Variants in FBXL2 observed in about 807,000 individuals in gnomAD.
FBXL2 encodes F-box and leucine rich repeat protein 2.
FBXL2 carries 38 observed loss-of-function variants against 69.2 expected under a neutral mutation model. That is an observed-to-expected ratio of 0.55 (90% CI 0.42 to 0.72). The LOEUF is 0.72. Ranked by LOEUF, FBXL2 falls within the 30% of genes least tolerant of loss-of-function variation. The pLI, the probability that FBXL2 is intolerant of heterozygous loss-of-function variation, is 0.00. For synonymous variants in FBXL2, 192 were observed against 201.3 expected, an observed-to-expected ratio of 0.95 and a Z score of 0.39; for missense variants, 354 against 520.3, an observed-to-expected ratio of 0.68 and a Z score of 3.11.
At chr3:33,398,224 C>T (rs1448009700) in intron 12 of FBXL2, 1 of 152,160 alleles carries the variant, frequency 6.6e-6, no homozygotes, top group Non-Finnish European at 1.5e-5. Flanking sequence ...TAAATAGCCA[C>T]TTACATATGT....
chr3:33,393,801 A>C (rs1225586916), intron 12 of FBXL2, among the ~76,000 whole-genome samples: 1 of 152,176 alleles, frequency 6.6e-6, no homozygotes, highest in East Asian at 1.9e-4. Context: ...ATTGGCTGCA[A>C]ATGGACATGG....
intron 1 of FBXL2, among the ~76,000 whole-genome samples, chr3:33,288,394 G>C (rs2034871088): frequency 6.6e-6 from 1 of 152,178 alleles, no homozygotes; most frequent in Admixed American, 6.5e-5. Context: ...GTGGCAGGGA[G>C]ACAGATAATA....
At chr3:33,395,546 A>G (rs570579389) in intron 12 of FBXL2, among the ~76,000 whole-genome samples, 6 of 152,196 alleles carry the variant, frequency 3.9e-5, no homozygotes, top group South Asian at 2.1e-4. Flanking sequence ...AATGCTCAGG[A>G]TGAGAAGCCC....
intron 4 of FBXL2, 102 bp from the exon 5 acceptor site, chr3:33,364,523 C>A: frequency 1.9e-6 from 2 of 1,048,220 alleles, no homozygotes; most frequent in South Asian, 1.4e-5. Flanking sequence ...TTCTGTTACA[C>A]TTGGAAAAAT....
chr3:33,346,997 G>C (rs1017043150), intron 2 of FBXL2, among the ~76,000 whole-genome samples: 1 of 152,114 alleles, frequency 6.6e-6, no homozygotes, highest in African/African-American at 2.4e-5. Flanking sequence ...GTATGTTTAA[G>C]TGTAGAATTT....
intron 1 of FBXL2, among the ~76,000 whole-genome samples, chr3:33,280,762 T>C (rs905198547): frequency 5.9e-5 from 9 of 151,618 alleles, no homozygotes; most frequent in Non-Finnish European, 1.3e-4. Context: ...CTAATAATTG[T>C]TTAAATTTTA....
At chr3:33,335,165 A>G (rs1193086083) in intron 2 of FBXL2, among the ~76,000 whole-genome samples, 1 of 152,014 alleles carries the variant, frequency 6.6e-6, no homozygotes, top group Non-Finnish European at 1.5e-5. Flanking sequence ...TTGAAAGCCA[A>G]ATTATATATA....
intron 12 of FBXL2, chr3:33,400,907 C>A: frequency 1.3e-6 from 2 of 1,548,894 alleles, no homozygotes; most frequent in Non-Finnish European, 1.7e-6. Flanking sequence ...AAAACCAAAA[C>A]TTTAAAATGT....
chr3:33,314,339 G>C (rs911674783), intron 2 of FBXL2, among the ~76,000 whole-genome samples: 3 of 152,110 alleles, frequency 2.0e-5, no homozygotes, highest in Non-Finnish European at 4.4e-5. Flanking sequence ...TGCTTTCCCA[G>C]CCCCTAGCAA....
chr3:33,413,293 T>TCC, the FBXL2 span, among the ~76,000 whole-genome samples: 4 of 151,512 alleles, frequency 2.6e-5, no homozygotes, highest in South Asian at 8.3e-4. Flanking sequence ...ACACCTGTAA[T>TCC]CCCAGCACTT....
intron 11 of FBXL2, 47 bp downstream of exon 11, chr3:33,377,380 C>T (rs771603896): frequency 1.6e-5 from 25 of 1,579,676 alleles, no homozygotes; most frequent in South Asian, 2.2e-5. Flanking sequence ...ATTCACCTCC[C>T]GAATTCAAAG....
At chr3:33,409,227 C>G in the FBXL2 span, 3 of 1,612,878 alleles carry the variant, frequency 1.9e-6, no homozygotes, top group African/African-American at 4.0e-5. Flanking sequence ...AAATGCTTTA[C>G]TACATTACCT....
chr3:33,280,615 G>A (rs1230853217), intron 1 of FBXL2, among the ~76,000 whole-genome samples: 13 of 151,152 alleles, frequency 8.6e-5, no homozygotes, highest in East Asian at 3.9e-4. Context: ...CAGCTGAGGC[G>A]GAAGGATCGA....
intron 12 of FBXL2, chr3:33,396,871 G>A (rs2044017779): frequency 2.8e-6 from 2 of 702,868 alleles, no homozygotes. Flanking sequence ...ATCATATCTG[G>A]GCCTGCCCTG....
At chr3:33,342,424 G>A (rs917352916) in intron 2 of FBXL2, among the ~76,000 whole-genome samples, 3 of 151,312 alleles carry the variant, frequency 2.0e-5, no homozygotes, top group Non-Finnish European at 4.4e-5. Context: ...GCTTTTAGTA[G>A]ACTTGTTCTA....
intron 14 of FBXL2, among the ~76,000 whole-genome samples, chr3:33,384,766 C>T (rs557518205): frequency 3.7e-4 from 57 of 152,162 alleles, no homozygotes; most frequent in African/African-American, 1.3e-3. Flanking sequence ...TTGGGATGGG[C>T]GCGGTGGCTC....
At chr3:33,407,416 A>G (rs2044456495), downstream of FBXL2, among the ~76,000 whole-genome samples, 1 of 152,106 alleles carries the variant, frequency 6.6e-6, no homozygotes, top group Non-Finnish European at 1.5e-5. Context: ...ATCCCCCCCA[A>G]AGAAGTTTAC....
intron 1 of FBXL2, among the ~76,000 whole-genome samples, chr3:33,292,468 A>G (rs2035329066): frequency 6.6e-6 from 1 of 152,156 alleles, no homozygotes; most frequent in Admixed American, 6.5e-5. Flanking sequence ...AGAGAGAAAG[A>G]GGCAAAACCA....
At position 33,375,271 on chromosome 3, in the gene FBXL2, G is replaced by T. The variant is rs886797953; in HGVS notation, c.658-17G>T. The T allele has an allele frequency of 2.5e-6, 4 of 1,607,102 alleles. No individual in the cohort carries two copies. The African/African-American group carries it at 5.3e-5, about 21-fold the overall frequency. The stretch of plus-strand genomic sequence containing the variant: ...CTGGTGTCCTCTGACTTTTCTTTCT[G>T]TGCTGCTTTTCCTCAGCGTATCACG... On this transcript the variant is annotated splice_polypyrimidine_tract_variant and intron_variant, in intron 9 of 14. Transcript: ENST00000484457.
Sources: gnomAD v4.1 joint callset for allele counts (sites outside exome capture counted in the v4.1 genomes callset) on GRCh38, gnomAD v4.1.1 for gene constraint, MANE v1.5 for transcripts, NCBI Gene and HGNC (gene_info 2026-07-23, HGNC 2026-07-21) for gene names.